CPA6: variants seen among roughly 807,000 people sequenced by gnomAD.
CPA6 encodes carboxypeptidase B.
A neutral mutation model predicts 63.3 loss-of-function variants in CPA6; 58 were observed. The observed-to-expected ratio is 0.92, with a 90% CI of 0.74 to 1.14. CPA6 has a LOEUF of 1.14. Ranked by LOEUF, CPA6 falls within the 50% of genes most tolerant of loss-of-function variation. CPA6 has a pLI of 0.00. For missense variants in CPA6, 565 were observed against 526.6 expected (o/e 1.07, Z -0.71); for synonymous variants, 185 against 179.0 (o/e 1.03, Z -0.27).
At chr8:67,507,263 C>T (rs1168987598) in intron 5 of CPA6, among the ~76,000 whole-genome samples, 2 of 152,002 alleles carry the variant, frequency 1.3e-5, no homozygotes, top group African/African-American at 4.8e-5. Context: ...GCTCAGCCTG[C>T]TTCTTCATTG....
At chr8:67,528,269 T>A (rs1284966069) in intron 2 of CPA6, among the ~76,000 whole-genome samples, 1 of 152,164 alleles carries the variant, frequency 6.6e-6, no homozygotes. Flanking sequence ...TACCAAATGA[T>A]GAGCAGGAGT....
At chr8:67,657,579 G>A (rs1346721207) in intron 1 of CPA6, among the ~76,000 whole-genome samples, 2 of 152,182 alleles carry the variant, frequency 1.3e-5, no homozygotes, top group African/African-American at 4.8e-5. Flanking sequence ...TGTGTTCACT[G>A]GTATCTCCAG....
chr8:67,641,702 G>A lies in CPA6; in HGVS notation c.117-17451C>T, dbSNP rs372274528. 1.3e-4 allele frequency among the ~76,000 whole-genome samples: 20 copies of A among 152,148 alleles called. No individual in the cohort carries two copies. The East Asian group carries it at 2.7e-3, about 21-fold the overall frequency. On this transcript the variant is annotated intron_variant, in intron 1 of 10. Transcript: ENST00000297770. ...ATAAGAAAAGGATGCTATGACCATCGTTTGTATTCAATAGAATTAGTGTAA... is the reference window on the plus strand; with the variant it reads ...ATAAGAAAAGGATGCTATGACCATCATTTGTATTCAATAGAATTAGTGTAA...
chr8:67,630,068 G>A (rs977904476), intron 1 of CPA6, among the ~76,000 whole-genome samples: 9 of 151,260 alleles, frequency 6.0e-5, no homozygotes, highest in South Asian at 2.1e-4. Flanking sequence ...TTGCACCACC[G>A]CACTCCAGTC....
intron 2 of CPA6, among the ~76,000 whole-genome samples, chr8:67,592,029 T>C (rs1263176073): frequency 3.3e-5 from 5 of 152,212 alleles, no homozygotes; most frequent in Admixed American, 6.5e-5. Flanking sequence ...GGGTTTGTCA[T>C]AGATAGCTCT....
intron 10 of CPA6, among the ~76,000 whole-genome samples, chr8:67,427,525 G>T (rs1809920224): frequency 6.6e-6 from 1 of 152,122 alleles, no homozygotes; most frequent in Non-Finnish European, 1.5e-5. Context: ...ATGAGGGGGG[G>T]TTGGAAGTGA....
chr8:67,629,479 C>CAAA (rs34412333), intron 1 of CPA6, among the ~76,000 whole-genome samples: 28,342 of 93,368 alleles, frequency 0.3, 3,287 homozygotes, highest in African/African-American at 0.33. Flanking sequence ...GACCCTGTCT[C>CAAA]AAAAAAAAAA....
At chr8:67,733,196 C>CAAAAA (rs1211323183) in intron 1 of CPA6, among the ~76,000 whole-genome samples, 260 of 14,876 alleles carry the variant, frequency 0.017, 23 homozygotes, top group Non-Finnish European at 0.024. Context: ...GACTCCATCT[C>CAAAAA]AAAAAAAAAA....
intron 8 of CPA6, among the ~76,000 whole-genome samples, chr8:67,480,198 T>C (rs1468543993): frequency 1.3e-5 from 2 of 152,220 alleles, no homozygotes; most frequent in East Asian, 3.8e-4. Flanking sequence ...TATTGCTTTA[T>C]AATCAGCTAT....
At chr8:67,728,125 A>G (rs1487369338) in intron 1 of CPA6, among the ~76,000 whole-genome samples, 1 of 101,196 alleles carries the variant, frequency 9.9e-6, no homozygotes, top group Non-Finnish European at 2.0e-5. Flanking sequence ...CAAAACAACA[A>G]CAAAAAACAA....
At chr8:67,434,855 C>T (rs939741038) in intron 8 of CPA6, among the ~76,000 whole-genome samples, 2 of 152,236 alleles carry the variant, frequency 1.3e-5, no homozygotes, top group African/African-American at 2.4e-5. Flanking sequence ...AGGAAAAAGG[C>T]TAAATCCACC....
At chr8:67,673,841 T>A (rs764524891) in intron 1 of CPA6, among the ~76,000 whole-genome samples, 1 of 152,190 alleles carries the variant, frequency 6.6e-6, no homozygotes, top group Non-Finnish European at 1.5e-5. Flanking sequence ...AGCCTGGTGT[T>A]GAACAAAGAC....
chr8:67,629,479 CAAAA>C (rs34412333), intron 1 of CPA6, among the ~76,000 whole-genome samples: 1 of 94,018 alleles, frequency 1.1e-5, no homozygotes, highest in African/African-American at 3.6e-5. Flanking sequence ...GACCCTGTCT[CAAAA>C]AAAAAAAAAA....
Position 67,742,342 on chromosome 8 carries a change from G to A in CPA6, c.116+3672C>T, listed in dbSNP as rs1452966031. 2.6e-5 allele frequency among the ~76,000 whole-genome samples: 4 copies of A among 152,042 alleles called. No individual in the cohort carries two copies. The East Asian group carries it at 7.7e-4, about 29-fold the overall frequency. On this transcript the variant is annotated intron_variant, in intron 1 of 10. Transcript: ENST00000297770. Reference sequence around the variant, plus strand: ...CTGAAACTATCAGTTCCCCAAACAAGAGTAAATCTTCCAGTTTTTCTTAAA... The same window carrying A: ...CTGAAACTATCAGTTCCCCAAACAAAAGTAAATCTTCCAGTTTTTCTTAAA...
chr8:67,693,764 T>A (rs7824032), intron 1 of CPA6, among the ~76,000 whole-genome samples: 71,473 of 152,040 alleles, frequency 0.47, 19,944 homozygotes, highest in African/African-American at 0.79. Flanking sequence ...ACTGTGAGAG[T>A]TAGAGTTCTG....
At chr8:67,489,321 G>A (rs181082492) in intron 6 of CPA6, among the ~76,000 whole-genome samples, 83 of 151,964 alleles carry the variant, frequency 5.5e-4, no homozygotes, top group African/African-American at 1.7e-3. Flanking sequence ...GACTTTATTC[G>A]TTTCTCATAT....
At chr8:67,463,366 C>T (rs1810855117) in intron 8 of CPA6, among the ~76,000 whole-genome samples, 1 of 151,970 alleles carries the variant, frequency 6.6e-6, no homozygotes, top group African/African-American at 2.4e-5. Context: ...ATTTCTTGAA[C>T]CCAGAAGGCA....
chr8:67,517,751 C>T (rs1205047564), intron 3 of CPA6, among the ~76,000 whole-genome samples, 172 bp downstream of exon 3: 1 of 152,188 alleles, frequency 6.6e-6, no homozygotes, highest in East Asian at 1.9e-4. Flanking sequence ...GCTCCCATCC[C>T]CCATTGGACT....
intron 2 of CPA6, among the ~76,000 whole-genome samples, chr8:67,591,021 C>T (rs1814106886): frequency 6.6e-6 from 1 of 151,716 alleles, no homozygotes; most frequent in Non-Finnish European, 1.5e-5. Flanking sequence ...GGTTTTAGGT[C>T]TAACATTTAA....
Sources: gnomAD v4.1 joint callset for allele counts (sites outside exome capture counted in the v4.1 genomes callset) on GRCh38, gnomAD v4.1.1 for gene constraint, MANE v1.5 for transcripts, NCBI Gene and HGNC (gene_info 2026-07-23, HGNC 2026-07-21) for gene names.